The following LARGE1 variants were observed in gnomAD, a reference collection of about 807,000 sequenced individuals.
The protein encoded by LARGE1 is LARGE xylosyl- and glucuronyltransferase 1.
LARGE1 carries 43 observed loss-of-function variants against 87.6 expected under a neutral mutation model. That is an observed-to-expected ratio of 0.49 (90% CI 0.38 to 0.63). The LOEUF (loss-of-function observed/expected upper bound fraction) is 0.63, where lower values mean the gene tolerates loss of function less well. LARGE1 is among the 30% of genes least tolerant of loss of function. The pLI is 0.00. For synonymous variants in LARGE1, 434 were observed against 394.6 expected, an observed-to-expected ratio of 1.10 and a Z score of -1.18; for missense variants, 802 against 1,000.2, an observed-to-expected ratio of 0.80 and a Z score of 2.67.
chr22:33,532,850 C>T (rs753728482), intron 6 of LARGE1, among the ~76,000 whole-genome samples: 7 of 152,202 alleles, frequency 4.6e-5, no homozygotes, highest in Non-Finnish European at 8.8e-5. Flanking sequence ...GGAACCTGCT[C>T]ATCGATGATG....
intron 1 of LARGE1, among the ~76,000 whole-genome samples, chr22:33,903,107 A>G (rs929376099): frequency 6.6e-6 from 1 of 152,170 alleles, no homozygotes; most frequent in African/African-American, 2.4e-5. Context: ...ACTGCAGCCC[A>G]GGCAACAAGA....
At chr22:33,299,538 C>A (rs1037790642) in intron 12 of LARGE1, among the ~76,000 whole-genome samples, 10 of 152,146 alleles carry the variant, frequency 6.6e-5, no homozygotes, top group African/African-American at 2.4e-4. Flanking sequence ...GCTACCCAGG[C>A]TGCACAGAAG....
At chr22:33,222,215 C>T (rs575012816) in intron 11 of LARGE1, among the ~76,000 whole-genome samples, 6 of 152,166 alleles carry the variant, frequency 3.9e-5, no homozygotes, top group South Asian at 2.1e-4. Flanking sequence ...TTGGTGGTCA[C>T]CACTGCGTAG....
At chr22:33,789,476 G>C (rs529309122) in intron 1 of LARGE1, among the ~76,000 whole-genome samples, 1 of 152,340 alleles carries the variant, frequency 6.6e-6, no homozygotes, top group East Asian at 1.9e-4. Context: ...GCACTGCCTA[G>C]TGGAGCTGTG....
intron 6 of LARGE1, among the ~76,000 whole-genome samples, chr22:33,445,580 C>T (rs2067652448): frequency 6.6e-6 from 1 of 151,488 alleles, no homozygotes; most frequent in South Asian, 2.1e-4. Flanking sequence ...ATCACTGAGA[C>T]AGAGCTCTTA....
chr22:33,212,497 A>T (rs1425147884), intron 11 of LARGE1, among the ~76,000 whole-genome samples: 1 of 152,226 alleles, frequency 6.6e-6, no homozygotes, highest in Non-Finnish European at 1.5e-5. Context: ...CTGGTCATGC[A>T]ACAGTTCTGA....
At chr22:33,094,597 CTT>C in the LARGE1 span, among the ~76,000 whole-genome samples, 6 of 147,378 alleles carry the variant, frequency 4.1e-5, no homozygotes, top group African/African-American at 2.5e-5. Context: ...TTCTTTCTTT[CTT>C]TTTTTTTTTT....
At chr22:33,656,558 G>A (rs547854475) in intron 2 of LARGE1, among the ~76,000 whole-genome samples, 2 of 152,268 alleles carry the variant, frequency 1.3e-5, no homozygotes, top group Non-Finnish European at 2.9e-5. Context: ...TGCAGGCAGG[G>A]CACATAAAGG....
the LARGE1 span, among the ~76,000 whole-genome samples, chr22:33,102,543 G>A: frequency 2.0e-5 from 3 of 151,242 alleles, no homozygotes; most frequent in Non-Finnish European, 4.4e-5. Flanking sequence ...AGGCTGGAGT[G>A]CAGTGGCACG....
At chr22:33,467,700 G>T (rs1222278342) in intron 6 of LARGE1, among the ~76,000 whole-genome samples, 1 of 152,204 alleles carries the variant, frequency 6.6e-6, no homozygotes, top group East Asian at 1.9e-4. Flanking sequence ...ATGGCATTTA[G>T]TGAGACAGAT....
chr22:33,660,513 C>T (rs1456601687), intron 2 of LARGE1, among the ~76,000 whole-genome samples: 7 of 152,162 alleles, frequency 4.6e-5, no homozygotes, highest in East Asian at 1.9e-4. Context: ...GAGCCTCTGC[C>T]CCCAGTTAGC....
intron 1 of LARGE1, among the ~76,000 whole-genome samples, chr22:33,797,123 G>C (rs2086011645): frequency 6.6e-6 from 1 of 152,082 alleles, no homozygotes; most frequent in Non-Finnish European, 1.5e-5. Context: ...TGGGAGCTTG[G>C]CAAAGAACAT....
intron 6 of LARGE1, among the ~76,000 whole-genome samples, chr22:33,501,833 C>T (rs905376459): frequency 2.0e-5 from 3 of 152,152 alleles, no homozygotes; most frequent in Non-Finnish European, 2.9e-5. Context: ...CATGCAAATG[C>T]ACTTCAGTGT....
intron 2 of LARGE1, among the ~76,000 whole-genome samples, chr22:33,758,375 T>C (rs1448340500): frequency 6.6e-6 from 1 of 152,142 alleles, no homozygotes; most frequent in East Asian, 1.9e-4. Context: ...AGTCCACAAA[T>C]ACAAATGCGG....
In LARGE1 at chr22:33,626,107, T is replaced by A. The variant is rs73168587; in HGVS notation, c.491+137A>T. 756 of 739,114 alleles carry A rather than the reference T, an allele frequency of 1.0e-3. 2 individuals are homozygous for A. Among genetic ancestry groups the A allele is most frequent in the South Asian group, 1.7e-3 (113 of 67,568 alleles). 45.8% of individuals were successfully genotyped at this position (739,114 alleles called of 1,614,324 possible). Reference sequence around the variant, plus strand: ...TGTTAACACAATCATCTCCTCAGGGTTTCAGACAAAAATTACATTTTTATG... The same window carrying A: ...TGTTAACACAATCATCTCCTCAGGGATTCAGACAAAAATTACATTTTTATG... On this transcript the variant is annotated intron_variant, in intron 4 of 14. Coordinates refer to ENST00000397394, the MANE Select transcript of LARGE1 (RefSeq NM_133642.5).
intron 1 of LARGE1, among the ~76,000 whole-genome samples, chr22:33,786,622 G>T (rs1201053529): frequency 6.6e-6 from 1 of 152,120 alleles, no homozygotes; most frequent in Admixed American, 6.5e-5. Context: ...CTCCTGAGGG[G>T]GTCCCCTGGC....
chr22:33,907,518 C>T (rs922934643), intron 1 of LARGE1, among the ~76,000 whole-genome samples: 2 of 152,054 alleles, frequency 1.3e-5, no homozygotes, highest in Non-Finnish European at 2.9e-5. Flanking sequence ...CTCCTACCTG[C>T]TAATCCTCCA....
At chr22:33,815,605 A>G (rs1573654) in intron 1 of LARGE1, among the ~76,000 whole-genome samples, 111,246 of 152,040 alleles carry the variant, frequency 0.73, 41,028 homozygotes, top group East Asian at 0.87. Flanking sequence ...GTAATCTGAT[A>G]GTGTGCAAAG....
chr22:33,311,873 T>C (rs1311606201), intron 11 of LARGE1, among the ~76,000 whole-genome samples: 3 of 152,154 alleles, frequency 2.0e-5, no homozygotes, highest in African/African-American at 7.2e-5. Context: ...TATCCTTCTT[T>C]TATAGAAGGA....
Sources: gnomAD v4.1 joint callset for allele counts (sites outside exome capture counted in the v4.1 genomes callset) on GRCh38, gnomAD v4.1.1 for gene constraint, MANE v1.5 for transcripts, NCBI Gene and HGNC (gene_info 2026-07-23, HGNC 2026-07-21) for gene names.